Variants in PROSER2 observed in about 807,000 individuals in gnomAD.
PROSER2 encodes proline and serine-rich protein 2.
In PROSER2, 18 loss-of-function variants were observed where a neutral mutation model predicts 14.6. The ratio of observed to expected loss-of-function variants is 1.23; its 90% CI spans 0.85 to 1.83. The LOEUF (loss-of-function observed/expected upper bound fraction) is 1.83. PROSER2 is among the 40% of genes most tolerant of loss of function. The pLI, the probability that PROSER2 is intolerant of heterozygous loss-of-function variation, is 0.00. For missense variants in PROSER2, 823 were observed against 629.8 expected, an observed-to-expected ratio of 1.31 and a Z score of -3.28; for synonymous variants, 367 against 286.4, an observed-to-expected ratio of 1.28 and a Z score of -2.84.
rs1454686769 is a variant in PROSER2, at chr10:11,870,133, C to T, written c.1035C>T (p.Phe345=). Residue 345 remains phenylalanine, a synonymous_variant, in exon 4 of 4, where the codon TTC becomes TTT. Transcript: ENST00000277570. ...GGGGCCCGGCGCTGGCCAACGGCTT[C>T]CCAAGTGCGCACGAGGCCCTGAAGA... ...APRGPALANG[F]PSAHEALKSA... 21 of 1,391,664 alleles carry T rather than the reference C, an allele frequency of 1.5e-5. No individual in the cohort carries two copies. The highest frequency in any genetic ancestry group is 1.9e-5 in the Non-Finnish European group (20 of 1,078,848). 86.2% of individuals were successfully genotyped at this position (1,391,664 alleles called of 1,614,324 possible). A position where few individuals can be genotyped will look rare whatever the true frequency, so the allele number is the denominator to read the frequency against.
At chr10:11,851,133 T>A (rs1834010130) in intron 1 of PROSER2, 1 of 152,324 alleles carries the variant, frequency 6.6e-6, no homozygotes, top group Non-Finnish European at 1.5e-5. Flanking sequence ...GGAGGACTGC[T>A]TGAGCCCATG....
rs1258722833 is a variant in PROSER2 at position 11,871,772 on chromosome 10, C to T, written c.*1366C>T. On this transcript the variant is annotated 3_prime_UTR_variant, in exon 4 of 4. Coordinates refer to ENST00000277570, the MANE Select transcript of PROSER2 (RefSeq NM_153256.4). ...TGTGTTTTTATGTCTCCGCCAGCGC[C>T]GTAACAGAGCCTGTTTCTTTCCCGT... The T allele has an allele frequency of 6.6e-6, 1 of 152,096 alleles. No individual in the cohort carries two copies. The highest frequency in any genetic ancestry group is 1.9e-4 in the East Asian group (1 of 5,202). The allele number at this position is 152,096 out of a possible 1,614,324, so 9.4% of individuals were successfully genotyped here.
rs1246039718 is a variant in PROSER2 at position 11,870,288 on chromosome 10, G to T, written c.1190G>T (p.Arg397Leu). ...CCCAACGGCGCCCAGGACTGGCGCC[G>T]CGCAGACTCCCTGCCCCGGCCCCAG... ...RQPNGAQDWR[R>L]ADSLPRPQGI... The change falls in exon 4 of 4, where the codon CGC (arginine) becomes CTC (leucine). Residue 397 changes from arginine to leucine, a missense_variant. Physicochemically the swap from Arg to Leu is moderately radical, Grantham distance 102. Transcript: ENST00000277570. 11 of 1,494,696 alleles carry T rather than the reference G, an allele frequency of 7.4e-6. No individual in the cohort carries two copies. Among genetic ancestry groups the T allele is most frequent in the Non-Finnish European group, 9.7e-6 (11 of 1,129,202 alleles). The allele number at this position is 1,494,696 out of a possible 1,614,324, so 92.6% of individuals were successfully genotyped here. A position where few individuals can be genotyped will look rare whatever the true frequency, so the allele number is the denominator to read the frequency against.
At chr10:11,867,728 C>G (rs1167820877) in intron 3 of PROSER2, among the ~76,000 whole-genome samples, 1 of 152,224 alleles carries the variant, frequency 6.6e-6, no homozygotes, top group African/African-American at 2.4e-5. Context: ...GCTTCACTCG[C>G]TCACCACTCA....
In PROSER2 at chr10:11,838,789, C is replaced by G. The variant is rs1377179856; in HGVS notation, c.-81-13208C>G. 6.6e-6 allele frequency among the ~76,000 whole-genome samples: 1 copy of G among 152,146 alleles called. No individual in the cohort carries two copies. Among genetic ancestry groups the G allele is most frequent in the African/African-American group, 2.4e-5 (1 of 41,422 alleles). On this transcript the variant is annotated intron_variant, in intron 1 of 3. Transcript: ENST00000277570. This position sits in a 1 kb window ranked among gnomAD's most constrained non-coding sequence, Gnocchi z 4.4. ...TTGTACTTAATAATCATCTGGTTTC[C>G]TCGTTTGTACACTGTCTAATCATAT...
intron 1 of PROSER2, among the ~76,000 whole-genome samples, chr10:11,845,103 G>C (rs1369457226): frequency 6.6e-6 from 1 of 151,866 alleles, no homozygotes; most frequent in African/African-American, 2.4e-5. Context: ...GAAAATAATG[G>C]AAAAAAACCT....
rs895829594 is a variant in PROSER2, at chr10:11,844,801, T to C, written c.-81-7196T>C. Among the ~76,000 whole-genome samples, 19 of 152,334 alleles carry C rather than the reference T, an allele frequency of 1.2e-4. No individual in the cohort carries two copies. In the East Asian group the frequency reaches 3.7e-3, roughly 29 times the overall value. On this transcript the variant is annotated intron_variant, in intron 1 of 3. Coordinates refer to ENST00000277570, the MANE Select transcript of PROSER2 (RefSeq NM_153256.4). Reference sequence around the variant, plus strand: ...CACGCCTGGCTAATACTTGTGTTTTTACTAGAGACAGGGTTTCACCATGTT... The same window carrying C: ...CACGCCTGGCTAATACTTGTGTTTTCACTAGAGACAGGGTTTCACCATGTT...
chr10:11,838,109 T>C lies in PROSER2; in HGVS notation c.-81-13888T>C, dbSNP rs1833786722. Among the ~76,000 whole-genome samples, 1 of 152,088 alleles carries C rather than the reference T, an allele frequency of 6.6e-6. No homozygotes were observed. Among genetic ancestry groups the C allele is most frequent in the Non-Finnish European group, 1.5e-5 (1 of 68,034 alleles). ...CTCCAGGAAACCTTTCCTTTCTGTG[T>C]TGGTAGCAGCCAGACTCAGGTGCCC... On this transcript the variant is annotated intron_variant, in intron 1 of 3. Coordinates refer to ENST00000277570, the MANE Select transcript of PROSER2 (RefSeq NM_153256.4). The surrounding 1 kb of genome is among the most constrained non-coding windows in gnomAD (Gnocchi z 4.4).
chr10:11,826,037 G>C (rs1333447492), intron 1 of PROSER2, among the ~76,000 whole-genome samples: 2 of 151,730 alleles, frequency 1.3e-5, no homozygotes, highest in South Asian at 2.1e-4. Flanking sequence ...GATTCCCATT[G>C]CCCTCTCCCA....
intron 3 of PROSER2, among the ~76,000 whole-genome samples, chr10:11,868,224 T>C (rs556617904): frequency 8.5e-5 from 13 of 152,118 alleles, no homozygotes; most frequent in African/African-American, 2.6e-4. Flanking sequence ...AAACACTCTT[T>C]GAAAAATCAG....
chr10:11,831,226 G>A (rs1272148043), intron 1 of PROSER2, among the ~76,000 whole-genome samples: 1 of 152,070 alleles, frequency 6.6e-6, no homozygotes, highest in African/African-American at 2.4e-5. Flanking sequence ...TGAGCTTCTT[G>A]GGGTGGGGGT....
intron 1 of PROSER2, among the ~76,000 whole-genome samples, chr10:11,827,462 T>G (rs1833631701): frequency 6.6e-6 from 1 of 152,172 alleles, no homozygotes; most frequent in Non-Finnish European, 1.5e-5. Context: ...CATTCTGTTG[T>G]GGGTTTTTTC....
At chr10:11,864,705 C>A (rs1272390889) in intron 2 of PROSER2, among the ~76,000 whole-genome samples, 3 of 151,584 alleles carry the variant, frequency 2.0e-5, no homozygotes, top group Non-Finnish European at 4.4e-5. Context: ...TCTCCTGCCT[C>A]GGCCTCCTAA....
chr10:11,833,835 G>A (rs1028123182), intron 1 of PROSER2, among the ~76,000 whole-genome samples: 1 of 152,150 alleles, frequency 6.6e-6, no homozygotes, highest in African/African-American at 2.4e-5. Context: ...GGTATCAACA[G>A]CAGACATGAG....
Position 11,862,592 on chromosome 10 carries a change from G to A in PROSER2, c.139-3939G>A, listed in dbSNP as rs1170336611. ...GCCTGTAGTTCCAGCCACTGGGGAG[G>A]CTGAGGTGGGAGGATCACTTGAGCT... On this transcript the variant is annotated intron_variant, in intron 2 of 3. Coordinates refer to ENST00000277570, the MANE Select transcript of PROSER2 (RefSeq NM_153256.4). The surrounding 1 kb of genome is among the most constrained non-coding windows in gnomAD (Gnocchi z 4.2). 6.6e-6 allele frequency among the ~76,000 whole-genome samples: 1 copy of A among 152,158 alleles called. No homozygotes were observed. The highest frequency in any genetic ancestry group is 2.4e-5 in the African/African-American group (1 of 41,428).
In PROSER2 at chr10:11,843,672, C is replaced by T. The variant is rs11257357; in HGVS notation, c.-81-8325C>T. On this transcript the variant is annotated intron_variant, in intron 1 of 3. Coordinates refer to ENST00000277570, the MANE Select transcript of PROSER2 (RefSeq NM_153256.4). The stretch of plus-strand genomic sequence containing the variant: ...CTGCCTTCCAATCTGGACGACAGAG[C>T]GAGACTCTGTCTCAAAAAAAAAAAA... Among the ~76,000 whole-genome samples, 1,170 of 145,528 alleles carry T rather than the reference C, an allele frequency of 8.0e-3. 15 individuals are homozygous for T. Among genetic ancestry groups the T allele is most frequent in the African/African-American group, 0.029 (1,116 of 38,706 alleles).
intron 3 of PROSER2, among the ~76,000 whole-genome samples, chr10:11,868,923 T>C (rs768114337): frequency 7.2e-5 from 11 of 152,120 alleles, no homozygotes; most frequent in Non-Finnish European, 1.6e-4. Flanking sequence ...AGTGCTGGGA[T>C]TACAGGTGCG....
In PROSER2 at chr10:11,830,401, A is replaced by G. The variant is rs963509556; in HGVS notation, c.-82+6931A>G. ...CTGAGTAGTCGTCCGTGGTGTTTAT[A>G]TACCACATTTTCTTTATCCTGTCGT... On this transcript the variant is annotated intron_variant, in intron 1 of 3. Coordinates refer to ENST00000277570, the MANE Select transcript of PROSER2 (RefSeq NM_153256.4). The surrounding 1 kb of genome is among the most constrained non-coding windows in gnomAD (Gnocchi z 4.5). Among the ~76,000 whole-genome samples, 1 of 152,196 alleles carries G rather than the reference A, an allele frequency of 6.6e-6. No homozygotes were observed. The highest frequency in any genetic ancestry group is 1.5e-5 in the Non-Finnish European group (1 of 68,040).
At chr10:11,852,627 C>T (rs1834044827) in intron 2 of PROSER2, among the ~76,000 whole-genome samples, 1 of 151,508 alleles carries the variant, frequency 6.6e-6, no homozygotes, top group Non-Finnish European at 1.5e-5. Context: ...TCAAGCAGTT[C>T]TCCTGCCTCA....
Sources: allele counts gnomAD v4.1 joint callset (sites outside exome capture counted in the v4.1 genomes callset), GRCh38; gene constraint gnomAD v4.1.1; non-coding constraint Gnocchi (gnomAD v3.1); transcripts MANE v1.5; gene names NCBI Gene and HGNC (gene_info 2026-07-23, HGNC 2026-07-21).